Variants in FAM181A observed in about 807,000 individuals in gnomAD.
FAM181A encodes protein FAM181A.
In FAM181A, 7 loss-of-function variants were observed where a neutral mutation model predicts 16.3. The ratio of observed to expected loss-of-function variants is 0.43; its 90% CI spans 0.24 to 0.81. The LOEUF (loss-of-function observed/expected upper bound fraction) is 0.81. Among genes scored for constraint, FAM181A ranks in the 30% least tolerant of loss-of-function variants. FAM181A has a pLI of 0.24. For missense variants in FAM181A, 349 were observed against 377.5 expected (o/e 0.92, Z 0.63); for synonymous variants, 183 against 164.9 (o/e 1.11, Z -0.84).
At chr14:93,927,636 G>C (rs1239301238) in intron 1 of FAM181A, 182 bp downstream of exon 1, 10 of 1,284,460 alleles carry the variant, frequency 7.8e-6, no homozygotes, top group Non-Finnish European at 9.1e-6. Context: ...GGCAGGTCTC[G>C]ATTAAGTGCC....
chr14:93,922,981 T>C (rs1487136658), upstream of FAM181A, among the ~76,000 whole-genome samples: 2 of 143,864 alleles, frequency 1.4e-5, no homozygotes, highest in Non-Finnish European at 3.2e-5. Flanking sequence ...ATCTCCACAT[T>C]TTTTTTTTTT....
upstream of FAM181A, chr14:93,923,646 G>A (rs1887803815): frequency 6.6e-6 from 1 of 152,250 alleles, no homozygotes; most frequent in African/African-American, 2.4e-5. Flanking sequence ...AGTCCCTGCT[G>A]CAGGGTCAGC....
At chr14:93,925,594 C>A (rs977608335), upstream of FAM181A, among the ~76,000 whole-genome samples, 2 of 152,090 alleles carry the variant, frequency 1.3e-5, no homozygotes, top group Admixed American at 6.6e-5. Flanking sequence ...GCCCTCAAAT[C>A]TCTGGCACTT....
chr14:93,927,688 G>A (rs913798275), intron 1 of FAM181A: 18 of 1,245,578 alleles, frequency 1.4e-5, no homozygotes, highest in South Asian at 7.8e-5. Context: ...GCTGGGGGTG[G>A]AGCGTGGGGA....
upstream of FAM181A, chr14:93,925,206 G>A (rs543744088): frequency 3.1e-5 from 46 of 1,484,276 alleles, no homozygotes; most frequent in African/African-American, 5.8e-4. Flanking sequence ...TGGGCCAGCA[G>A]GGCTGCAGGT....
At chr14:93,925,034 G>T, upstream of FAM181A, 10 of 502,698 alleles carry the variant, frequency 2.0e-5, no homozygotes, top group South Asian at 6.2e-5. Context: ...TTCCTTCTCT[G>T]TTTCCTCAAA....
At chr14:93,921,676 C>G (rs960754741) in intron 1 of FAM181A, among the ~76,000 whole-genome samples, 1 of 152,210 alleles carries the variant, frequency 6.6e-6, no homozygotes, top group South Asian at 2.1e-4. Context: ...TGTTATGTTC[C>G]CCGAGCTGGT....
chr14:93,923,457 T>C (rs1887798259), upstream of FAM181A: 1 of 152,244 alleles, frequency 6.6e-6, no homozygotes, highest in Non-Finnish European at 1.5e-5. Context: ...TGGTGTCTGT[T>C]GACATCCAGA....
At chr14:93,920,756 C>T (rs990008653) in intron 1 of FAM181A, among the ~76,000 whole-genome samples, 2 of 152,172 alleles carry the variant, frequency 1.3e-5, no homozygotes, top group Non-Finnish European at 2.9e-5. Flanking sequence ...AAAAGCTTTT[C>T]CCCTAAAATC....
At chr14:93,920,331 G>A (rs78861227) in intron 1 of FAM181A, among the ~76,000 whole-genome samples, 3,047 of 152,196 alleles carry the variant, frequency 0.02, 110 homozygotes, top group African/African-American at 0.068. Context: ...TGGGAGGATT[G>A]CTTGAGTCCA....
chr14:93,923,651 G>A (rs1887803962), upstream of FAM181A: 1 of 152,288 alleles, frequency 6.6e-6, no homozygotes, highest in African/African-American at 2.4e-5. Flanking sequence ...CTGCTGCAGG[G>A]TCAGCACAGT....
chr14:93,927,446 G>T lies in FAM181A; in HGVS notation c.-96G>T, dbSNP rs571897197. ...GGGCCACGTTGGTGGGGCCTGGGCC[G>T]CACCTTCGGTCAGTGTGGAGGCCCG... On this transcript the variant is annotated 5_prime_UTR_variant, in exon 1 of 2. Transcript: ENST00000556222. The T allele has an allele frequency of 1.6e-6, 2 of 1,221,630 alleles. No individual in the cohort carries two copies. The highest frequency in any genetic ancestry group is 1.2e-4 in the East Asian group (2 of 16,808). 75.7% of individuals were successfully genotyped at this position (1,221,630 alleles called of 1,614,324 possible).
At position 93,928,345 on chromosome 14, in the gene FAM181A, C is replaced by T. The variant is rs1256651397; in HGVS notation, c.60C>T (p.Asp20=). Residue 20 remains aspartate, a synonymous_variant, in exon 2 of 2, where the codon GAC becomes GAT. Transcript: ENST00000556222. ...LLNFVNLASS[D]IKAALDKSAP... ...ACTTCGTGAACCTGGCGTCCAGCGA[C>T]ATCAAGGCAGCCCTGGATAAGTCCG... 1 of 1,613,820 alleles carries T rather than the reference C, an allele frequency of 6.2e-7. No individual in the cohort carries two copies. Among genetic ancestry groups the T allele is most frequent in the Non-Finnish European group, 8.5e-7 (1 of 1,180,032 alleles).
At position 93,928,189 on chromosome 14, in the gene FAM181A, T is replaced by G. The variant is rs1248772255; in HGVS notation, c.-87-10T>G. On this transcript the variant is annotated splice_polypyrimidine_tract_variant and intron_variant, in intron 1 of 1. Transcript: ENST00000556222. ...TTGGAGAGACTCCGATGGCCTGTTT[T>G]GTCCCCCAGGTCAGCTCGGTGCCCT... 1.2e-6 allele frequency: 2 copies of G among 1,608,812 alleles called. No homozygotes were observed. Among genetic ancestry groups the G allele is most frequent in the Admixed American group, 3.3e-5 (2 of 59,912 alleles).
rs371287987 is a variant in FAM181A, at chr14:93,928,905, G to C, written c.620G>C (p.Arg207Pro). 3 of 1,614,060 alleles carry C rather than the reference G, an allele frequency of 1.9e-6. No homozygotes were observed. Among genetic ancestry groups the C allele is most frequent in the Admixed American group, 1.7e-5 (1 of 60,012 alleles). ...LKMPGVSLVG[R>P]VNAWSCCPFQ... is the part of the protein sequence containing the mutation. ...ATGCCTGGGGTCTCCTTGGTGGGCC[G>C]CGTCAATGCCTGGAGTTGCTGCCCC... The change falls in exon 2 of 2, where the codon CGC becomes CCC. Residue 207 changes from arginine to proline, a missense_variant. By Grantham distance (103) the Arg-to-Pro change is moderately radical. Coordinates refer to ENST00000556222, the MANE Select transcript of FAM181A (RefSeq NM_001207073.2).
At chr14:93,919,202 G>C (rs1887634868) in intron 1 of FAM181A, among the ~76,000 whole-genome samples, 1 of 152,224 alleles carries the variant, frequency 6.6e-6, no homozygotes, top group Non-Finnish European at 1.5e-5. Flanking sequence ...TATGAACCAG[G>C]AGATTGATGT....
At position 93,928,209 on chromosome 14, in the gene FAM181A, T is replaced by C. The variant is rs1887992592; in HGVS notation, c.-77T>C. 6.2e-7 allele frequency: 1 copy of C among 1,612,978 alleles called. No individual in the cohort carries two copies. The highest frequency in any genetic ancestry group is 1.1e-5 in the South Asian group (1 of 91,072). ...TGTTTTGTCCCCCAGGTCAGCTCGG[T>C]GCCCTTCCTTGGAGCTGCCGGCCAC... On this transcript the variant is annotated 5_prime_UTR_variant, in exon 2 of 2. Transcript: ENST00000556222.
intron 1 of FAM181A, among the ~76,000 whole-genome samples, chr14:93,920,793 C>T (rs1887696353): frequency 6.6e-6 from 1 of 152,194 alleles, no homozygotes; most frequent in African/African-American, 2.4e-5. Flanking sequence ...GGTCTGTTTG[C>T]ACCACTCTTC....
intron 1 of FAM181A, among the ~76,000 whole-genome samples, chr14:93,921,450 C>T (rs1449862074): frequency 1.3e-5 from 2 of 152,220 alleles, no homozygotes; most frequent in Admixed American, 6.5e-5. Flanking sequence ...AGGAAGCCCT[C>T]GGCCTGCCAG....
Sources: gnomAD v4.1 joint callset for allele counts (sites outside exome capture counted in the v4.1 genomes callset) on GRCh38, gnomAD v4.1.1 for gene constraint, MANE v1.5 for transcripts, NCBI Gene and HGNC (gene_info 2026-07-23, HGNC 2026-07-21) for gene names.